The following MYRIP variants were observed in gnomAD, a reference collection of about 807,000 sequenced individuals.
MYRIP encodes rab effector MyRIP.
MYRIP carries 49 observed loss-of-function variants against 98.0 expected under a neutral mutation model. The ratio of observed to expected loss-of-function variants is 0.50; its 90% CI spans 0.40 to 0.63. The LOEUF (loss-of-function observed/expected upper bound fraction) is 0.63, where lower values mean the gene tolerates loss of function less well. Among genes scored for constraint, MYRIP ranks in the 30% least tolerant of loss-of-function variants. The pLI is 0.00. For missense variants in MYRIP, 1,004 were observed against 1,058.2 expected, an observed-to-expected ratio of 0.95 and a Z score of 0.71; for synonymous variants, 404 against 409.5, an observed-to-expected ratio of 0.99 and a Z score of 0.16.
intron 1 of MYRIP, among the ~76,000 whole-genome samples, chr3:39,892,558 T>A (rs926925346): frequency 6.6e-6 from 1 of 152,214 alleles, no homozygotes; most frequent in Non-Finnish European, 1.5e-5. Context: ...AGCCTAACTC[T>A]TGCCTAGTGA....
chr3:40,191,378 T>G (rs1372092198), intron 10 of MYRIP, among the ~76,000 whole-genome samples: 1 of 152,178 alleles, frequency 6.6e-6, no homozygotes, highest in Admixed American at 6.5e-5. Context: ...CCCCCACCTC[T>G]TCTGGTGAAG....
intron 5 of MYRIP, 124 bp from the exon 6 acceptor site, chr3:40,166,722 G>A: frequency 3.0e-6 from 2 of 659,710 alleles, no homozygotes; most frequent in Non-Finnish European, 5.3e-6. Flanking sequence ...AGGGCTTTGT[G>A]TGCCATGGTA....
At chr3:40,236,872 T>C (rs1015059196) in intron 12 of MYRIP, among the ~76,000 whole-genome samples, 13 of 151,742 alleles carry the variant, frequency 8.6e-5, no homozygotes, top group African/African-American at 3.1e-4. Flanking sequence ...AGAAATGGGG[T>C]CTTGCTATGT....
In MYRIP at chr3:40,212,177, T is replaced by C. The variant is rs1453922598; in HGVS notation, c.1905+2084T>C. 1.8e-3 allele frequency among the ~76,000 whole-genome samples: 18 copies of C among 9,802 alleles called. 3 individuals are homozygous for C. Among genetic ancestry groups the C allele is most frequent in the Admixed American group, 6.5e-3 (4 of 612 alleles). The allele number at this position is 9,802 out of a possible 152,430, so 6.4% of individuals were successfully genotyped here. ...ACGTGTATATATATATACATATATA[T>C]ACGTGTATGTGTATATACATATATA... On this transcript the variant is annotated intron_variant, in intron 11 of 16. Coordinates refer to ENST00000302541, the MANE Select transcript of MYRIP (RefSeq NM_015460.4).
At chr3:40,255,805 C>T (rs1027086854) in intron 16 of MYRIP, among the ~76,000 whole-genome samples, 5 of 152,154 alleles carry the variant, frequency 3.3e-5, no homozygotes, top group Non-Finnish European at 7.3e-5. Flanking sequence ...AATAGTGTAA[C>T]TGTTAAGCTT....
intron 1 of MYRIP, among the ~76,000 whole-genome samples, chr3:39,893,975 T>C: frequency 6.6e-6 from 1 of 152,308 alleles, no homozygotes; most frequent in East Asian, 1.9e-4. Context: ...TGATAATTTT[T>C]GTTTATTCAA....
In MYRIP at chr3:39,994,977, C is replaced by T. The variant is rs565836681; in HGVS notation, c.111-49073C>T. Among the ~76,000 whole-genome samples, 8 of 152,280 alleles carry T rather than the reference C, an allele frequency of 5.3e-5. 1 individual carries two copies. In the East Asian group the frequency reaches 1.5e-3, roughly 29 times the overall value. The stretch of plus-strand genomic sequence containing the variant: ...CTCCAACAGACCTGCAGCTGAGGGT[C>T]CTGACTGTTAGAAGGAAAACTAAAA... On this transcript the variant is annotated intron_variant, in intron 2 of 16. Coordinates refer to ENST00000302541, the MANE Select transcript of MYRIP (RefSeq NM_015460.4).
chr3:40,244,188 T>C (rs1015178931), intron 12 of MYRIP, among the ~76,000 whole-genome samples: 1 of 152,268 alleles, frequency 6.6e-6, no homozygotes, highest in South Asian at 2.1e-4. Flanking sequence ...TTTGTACTAT[T>C]TGAACAAAAG....
chr3:39,946,782 C>T (rs764371775), intron 2 of MYRIP, among the ~76,000 whole-genome samples: 2 of 152,084 alleles, frequency 1.3e-5, no homozygotes, highest in East Asian at 1.9e-4. Context: ...TAAAATGTGC[C>T]GAGCTTATGA....
At chr3:39,887,199 G>C (rs2125653109) in intron 1 of MYRIP, among the ~76,000 whole-genome samples, 1 of 152,122 alleles carries the variant, frequency 6.6e-6, no homozygotes, top group South Asian at 2.1e-4. Flanking sequence ...AGGGTGTAGA[G>C]GGAAATTTGT....
chr3:40,024,050 T>A (rs1293193660), intron 2 of MYRIP, among the ~76,000 whole-genome samples: 1 of 152,052 alleles, frequency 6.6e-6, no homozygotes, highest in Non-Finnish European at 1.5e-5. Context: ...AGAAAGTGGG[T>A]GGTGGAGGAA....
At chr3:39,846,077 T>G (rs554471798) in intron 1 of MYRIP, among the ~76,000 whole-genome samples, 77 of 152,164 alleles carry the variant, frequency 5.1e-4, no homozygotes, top group Non-Finnish European at 1.0e-3. Context: ...AAAACTTTGT[T>G]TTGAAGCATT....
At chr3:40,153,990 A>G (rs969683809) in intron 4 of MYRIP, among the ~76,000 whole-genome samples, 1 of 152,040 alleles carries the variant, frequency 6.6e-6, no homozygotes, top group Non-Finnish European at 1.5e-5. Context: ...AATACAAAAA[A>G]TTAGCTGGGC....
intron 2 of MYRIP, among the ~76,000 whole-genome samples, chr3:39,920,861 G>A (rs1365010507): frequency 1.3e-5 from 2 of 152,104 alleles, no homozygotes; most frequent in Admixed American, 6.5e-5. Flanking sequence ...CTGGTTCTTC[G>A]TGAGTCACAA....
Position 40,162,762 on chromosome 3 carries a change from G to A in MYRIP, c.502G>A (p.Glu168Lys). 6.2e-7 allele frequency: 1 copy of A among 1,614,124 alleles called. No homozygotes were observed. Among genetic ancestry groups the A allele is most frequent in the Non-Finnish European group, 8.5e-7 (1 of 1,179,976 alleles). ...GSLFESNLEN[E>K]GSISGSDSTF... is the part of the protein sequence containing the mutation. Reference sequence around the variant, plus strand: ...CCTTTTTGAGTCAAACCTGGAGAATGAAGGAAGCATTTCTGGCAGTGATTC... The same window carrying A: ...CCTTTTTGAGTCAAACCTGGAGAATAAAGGAAGCATTTCTGGCAGTGATTC... Residue 168 changes from glutamate (E) to lysine (K), a missense_variant, in exon 5 of 17, where the codon GAA becomes AAA. By Grantham distance (56) the Glu-to-Lys change is moderately conservative. Around this residue, in one of 3 missense-constraint regions of MYRIP, gnomAD observed 880 missense variants for 907.7 expected, o/e 0.97. Coordinates refer to ENST00000302541, the MANE Select transcript of MYRIP (RefSeq NM_015460.4).
intron 1 of MYRIP, among the ~76,000 whole-genome samples, chr3:39,815,834 G>A (rs1436938194): frequency 6.7e-6 from 1 of 150,326 alleles, no homozygotes; most frequent in Non-Finnish European, 1.5e-5. Context: ...TAGGTTTGTG[G>A]CAGATTTGCT....
At chr3:39,952,383 T>G (rs1449205316) in intron 2 of MYRIP, among the ~76,000 whole-genome samples, 3 of 152,202 alleles carry the variant, frequency 2.0e-5, no homozygotes, top group Admixed American at 6.5e-5. Context: ...GTTTTTATCA[T>G]GAAGGCATGT....
At chr3:40,153,750 T>A (rs778752770) in intron 4 of MYRIP, among the ~76,000 whole-genome samples, 2 of 152,212 alleles carry the variant, frequency 1.3e-5, no homozygotes, top group Non-Finnish European at 2.9e-5. Context: ...AAATCTGCAG[T>A]GCACAAGGCA....
chr3:39,986,546 A>T (rs1946037013), intron 2 of MYRIP, among the ~76,000 whole-genome samples: 3 of 152,046 alleles, frequency 2.0e-5, no homozygotes, highest in African/African-American at 7.2e-5. Flanking sequence ...TCTTGCTCTG[A>T]CACCTACTAG....
Sources: gnomAD v4.1 joint callset for allele counts (sites outside exome capture counted in the v4.1 genomes callset) on GRCh38, gnomAD v4.1.1 for gene constraint, gnomAD v4.1.1 regional missense constraint, MANE v1.5 for transcripts, NCBI Gene and HGNC (gene_info 2026-07-23, HGNC 2026-07-21) for gene names.